CRMP1: variants seen among roughly 807,000 people sequenced by gnomAD.
The protein encoded by CRMP1 is collapsin response mediator protein 1, also known as dihydropyrimidinase-related protein 1.
CRMP1 carries 19 observed loss-of-function variants against 68.3 expected under a neutral mutation model. The ratio of observed to expected loss-of-function variants is 0.28; its 90% CI spans 0.19 to 0.41. The LOEUF (loss-of-function observed/expected upper bound fraction) is 0.41, where lower values mean the gene tolerates loss of function less well. Ranked by LOEUF, CRMP1 falls within the 10% of genes least tolerant of loss-of-function variation. The pLI is 1.00. For synonymous variants in CRMP1, 439 were observed against 399.6 expected (o/e 1.10, Z -1.18); for missense variants, 791 against 967.4 (o/e 0.82, Z 2.42).
In CRMP1 at chr4:5,889,855, G is replaced by C. The variant is rs944407628; in HGVS notation, c.381+2734C>G. ...CCAGAGACACCTGGGCCTTAAAATA[G>C]AGGTGAGGTTTTAGCTTCACAGAGA... On this transcript the variant is annotated intron_variant, in intron 1 of 13. Transcript: ENST00000324989. The surrounding 1 kb of genome is among the most constrained non-coding windows in gnomAD (Gnocchi z 4.5). The C allele has an allele frequency of 2.1e-6, 3 of 1,446,210 alleles. No homozygotes were observed. The highest frequency in any genetic ancestry group is 2.7e-6 in the Non-Finnish European group (3 of 1,102,930). 89.6% of individuals were successfully genotyped at this position (1,446,210 alleles called of 1,614,324 possible).
intron 11 of CRMP1, 46 bp from the exon 12 acceptor site, chr4:5,828,714 C>A (rs1331808022): frequency 6.3e-7 from 1 of 1,598,854 alleles, no homozygotes; most frequent in East Asian, 2.2e-5. Flanking sequence ...TGCTCTGCCC[C>A]AAACGAGCTG....
Position 5,891,175 on chromosome 4 carries a change from TACACACACAC to T in CRMP1, c.381+1404_381+1413del, listed in dbSNP as rs58583102. Among the ~76,000 whole-genome samples, 14 of 132,058 alleles carry T rather than the reference TACACACACAC, an allele frequency of 1.1e-4. No homozygotes were observed. Among genetic ancestry groups the T allele is most frequent in the East Asian group, 4.6e-4 (2 of 4,310 alleles). 86.6% of individuals were successfully genotyped at this position (132,058 alleles called of 152,430 possible). On this transcript the variant is annotated intron_variant, in intron 1 of 13. Coordinates refer to ENST00000324989, the MANE Select transcript of CRMP1 (RefSeq NM_001014809.3). The surrounding 1 kb of genome is among the most constrained non-coding windows in gnomAD (Gnocchi z 5.2). ...TGATCACCCCACCACCACACACACA[TACACACACAC>T]ACACACACACACACACACACACACA...
chr4:5,848,393 A>C (rs768901961), intron 6 of CRMP1, among the ~76,000 whole-genome samples: 1 of 152,140 alleles, frequency 6.6e-6, no homozygotes, highest in Non-Finnish European at 1.5e-5. Flanking sequence ...GGGTTTTGCC[A>C]TGTTGGCCAG....
intron 11 of CRMP1, among the ~76,000 whole-genome samples, chr4:5,829,067 G>A (rs890011671): frequency 4.6e-5 from 7 of 152,094 alleles, no homozygotes; most frequent in Admixed American, 4.6e-4. Flanking sequence ...ATTACTGGGT[G>A]AAAGAATAGA....
intron 6 of CRMP1, among the ~76,000 whole-genome samples, chr4:5,847,290 G>A (rs1712293750): frequency 6.6e-6 from 1 of 152,116 alleles, no homozygotes; most frequent in Non-Finnish European, 1.5e-5. Flanking sequence ...ATCCACACCT[G>A]GACCTGGTTT....
In CRMP1 at chr4:5,842,336, G is replaced by A. The variant is rs977666249; in HGVS notation, c.1032+757C>T. Among the ~76,000 whole-genome samples the A allele has an allele frequency of 6.6e-6, 1 of 151,518 alleles. No homozygotes were observed. The highest frequency in any genetic ancestry group is 2.4e-5 in the African/African-American group (1 of 41,130). On this transcript the variant is annotated intron_variant, in intron 7 of 13. Transcript: ENST00000324989. The surrounding 1 kb of genome is among the most constrained non-coding windows in gnomAD (Gnocchi z 4.5). ...CCTAGCTACTTGGGAGGCTGAGGCA[G>A]GAGAGTCACTTGAACCCAGGAAGCG...
At chr4:5,836,726 G>A in intron 10 of CRMP1, 39 bp downstream of exon 10, 1 of 1,613,894 alleles carries the variant, frequency 6.2e-7, no homozygotes, top group Non-Finnish European at 8.5e-7. Flanking sequence ...GGCAGGTAGA[G>A]TGTTTCTAGA....
rs370480340 is a variant in CRMP1 at position 5,836,785 on chromosome 4, C to T, written c.1432G>A (p.Val478Ile). Residue 478 changes from valine (V) to isoleucine (I), a missense_variant, in exon 10 of 14, where the codon GTC (valine) becomes ATC (isoleucine). Val to Ile is a conservative substitution (Grantham distance 29, BLOSUM62 3). Coordinates refer to ENST00000324989, the MANE Select transcript of CRMP1 (RefSeq NM_001014809.3). ...GVNGIEERMT[V>I]VWDKAVATGK... is the part of the protein sequence containing the mutation. The stretch of plus-strand genomic sequence containing the variant: ...CTTACCACCGCCTTGTCCCAGACGA[C>T]CGTCATCCGCTCCTCTATCCCGTTG... 1.2e-6 allele frequency: 2 copies of T among 1,614,056 alleles called. No individual in the cohort carries two copies. The highest frequency in any genetic ancestry group is 2.2e-5 in the East Asian group (1 of 44,876).
In CRMP1 at chr4:5,837,817, G is replaced by A. The variant is rs1012992940; in HGVS notation, c.1311-911C>T. ...GCCTAGATGCAGAGGAGTATATTTA[G>A]AAGTTTTCTTCACTCATTTATTCAA... On this transcript the variant is annotated intron_variant, in intron 9 of 13. Coordinates refer to ENST00000324989, the MANE Select transcript of CRMP1 (RefSeq NM_001014809.3). 3.4e-4 allele frequency among the ~76,000 whole-genome samples: 51 copies of A among 152,118 alleles called. 1 individual carries two copies. The highest frequency in any genetic ancestry group is 3.3e-3 in the Admixed American group (51 of 15,268).
rs1716027377 is a variant in CRMP1, at chr4:5,893,080, C to G, written c.-111G>C. 1.4e-6 allele frequency: 1 copy of G among 736,680 alleles called. No individual in the cohort carries two copies. The highest frequency in any genetic ancestry group is 1.7e-6 in the Non-Finnish European group (1 of 604,464). The allele number at this position is 736,680 out of a possible 1,614,324, so 45.6% of individuals were successfully genotyped here. On this transcript the variant is annotated 5_prime_UTR_variant, in exon 1 of 14. Transcript: ENST00000324989. ...GTGCGGGCCTGCGGCGGCCCGGGCG[C>G]GACTGCGGCCCAGGGAGGGGAGGGG...
Position 5,888,268 on chromosome 4 carries a change from G to A in CRMP1, c.381+4321C>T. The A allele has an allele frequency of 7.8e-7, 1 of 1,278,194 alleles. No homozygotes were observed. 79.2% of individuals were successfully genotyped at this position (1,278,194 alleles called of 1,614,324 possible). On this transcript the variant is annotated intron_variant, in intron 1 of 13. Transcript: ENST00000324989. This position sits in a 1 kb window ranked among gnomAD's most constrained non-coding sequence, Gnocchi z 6.4. ...GCTCTTCTTGCCCTGGTACGACATG[G>A]CCCCCTCTGGCGCCCTCGGCCCGGC... is the stretch of plus-strand genomic sequence containing the variant.
rs142972994 is a variant in CRMP1, at chr4:5,883,280, C to T, written c.381+9309G>A. 5.7e-4 allele frequency among the ~76,000 whole-genome samples: 86 copies of T among 151,890 alleles called. No individual in the cohort carries two copies. Among genetic ancestry groups the T allele is most frequent in the Admixed American group, 9.9e-4 (15 of 15,228 alleles). ...CCTTCCTCCCTCCCTCCCTCCCTTC[C>T]TGTCTTTCTATCTTTCTCTTTCTTT... is the stretch of plus-strand genomic sequence containing the variant. On this transcript the variant is annotated intron_variant, in intron 1 of 13. Coordinates refer to ENST00000324989, the MANE Select transcript of CRMP1 (RefSeq NM_001014809.3). This position sits in a 1 kb window ranked among gnomAD's most constrained non-coding sequence, Gnocchi z 4.5.
At chr4:5,830,689 C>CTGTT (rs1003249800) in intron 11 of CRMP1, among the ~76,000 whole-genome samples, 11 of 152,264 alleles carry the variant, frequency 7.2e-5, no homozygotes, top group South Asian at 2.1e-4. Context: ...CCCTGCCAAA[C>CTGTT]TGTTTGGTTT....
intron 6 of CRMP1, among the ~76,000 whole-genome samples, chr4:5,848,704 T>C (rs944361106): frequency 2.6e-5 from 4 of 152,208 alleles, no homozygotes; most frequent in African/African-American, 9.7e-5. Flanking sequence ...TTTCCCATGG[T>C]TCTGGAGGCT....
chr4:5,840,301 T>G (rs939717657), intron 8 of CRMP1, among the ~76,000 whole-genome samples: 7 of 152,200 alleles, frequency 4.6e-5, no homozygotes, highest in African/African-American at 1.7e-4. Flanking sequence ...TTCCCAGAAG[T>G]TCCTGCTTGT....
chr4:5,864,624 G>C (rs1301077968), intron 2 of CRMP1, among the ~76,000 whole-genome samples: 1 of 152,160 alleles, frequency 6.6e-6, no homozygotes, highest in African/African-American at 2.4e-5. Context: ...GTGTGACAGT[G>C]GCTGCAACAG....
At chr4:5,847,056 T>A (rs1712275754) in intron 6 of CRMP1, among the ~76,000 whole-genome samples, 1 of 152,142 alleles carries the variant, frequency 6.6e-6, no homozygotes, top group African/African-American at 2.4e-5. Context: ...CTATGGAGAC[T>A]TATTCTCAGG....
intron 9 of CRMP1, among the ~76,000 whole-genome samples, chr4:5,837,967 T>C (rs1377061020): frequency 2.6e-5 from 4 of 152,148 alleles, no homozygotes; most frequent in African/African-American, 7.2e-5. Context: ...AGACTGGCAA[T>C]AAGCAGAGGC....
At chr4:5,849,540 A>G in intron 5 of CRMP1, 68 bp from the exon 6 acceptor site, 6 of 1,101,014 alleles carry the variant, frequency 5.4e-6, no homozygotes, top group African/African-American at 1.6e-5. Flanking sequence ...GTGTGCATTC[A>G]TGAAGACCGT....
Sources: gnomAD v4.1 joint callset for allele counts (sites outside exome capture counted in the v4.1 genomes callset) on GRCh38, gnomAD v4.1.1 for gene constraint, Gnocchi (gnomAD v3.1) non-coding constraint, MANE v1.5 for transcripts, NCBI Gene and HGNC (gene_info 2026-07-23, HGNC 2026-07-21) for gene names.